The following B4GALNT4 variants were observed in gnomAD, a reference collection of about 807,000 sequenced individuals.
B4GALNT4 encodes the protein N-acetyl-beta-glucosaminyl-glycoprotein 4-beta-N-acetylgalactosaminyltransferase 1.
B4GALNT4 carries 77 observed loss-of-function variants against 110.0 expected under a neutral mutation model. That is an observed-to-expected ratio of 0.70 (90% confidence interval 0.58 to 0.85). B4GALNT4 has a LOEUF of 0.85. Ranked by LOEUF, B4GALNT4 falls within the 40% of genes least tolerant of loss-of-function variation. B4GALNT4 has a pLI of 0.00. For synonymous variants in B4GALNT4, 785 were observed against 655.5 expected (o/e 1.20, Z -3.02); for missense variants, 1,575 against 1,506.0 (o/e 1.05, Z -0.76).
chr11:379,713 G>A lies in B4GALNT4; in HGVS notation c.2488+12G>A. 2.0e-6 allele frequency: 3 copies of A among 1,500,342 alleles called. No individual in the cohort carries two copies. Among genetic ancestry groups the A allele is most frequent in the Non-Finnish European group, 2.7e-6 (3 of 1,127,582 alleles). The allele number at this position is 1,500,342 out of a possible 1,614,324, so 92.9% of individuals were successfully genotyped here. A position where few individuals can be genotyped will look rare whatever the true frequency, so the allele number is the denominator to read the frequency against. The stretch of plus-strand genomic sequence containing the variant: ...CTTCATCGTGCCAGGTTCGCAGGGC[G>A]GGCTCGGGGTGTCCGGGAGACCTCG... On this transcript the variant is annotated intron_variant, in intron 15 of 19. Transcript: ENST00000329962.
intron 14 of B4GALNT4, 73 bp from the exon 15 acceptor site, chr11:379,345 C>A: frequency 7.2e-7 from 1 of 1,395,100 alleles, no homozygotes; most frequent in Non-Finnish European, 9.3e-7. Context: ...GTTTCTGTGG[C>A]CAGGGCGGAC....
In B4GALNT4 at chr11:374,451, C is replaced by G. The variant is rs529327332; in HGVS notation, c.783+623C>G. Among the ~76,000 whole-genome samples, 3 of 149,846 alleles carry G rather than the reference C, an allele frequency of 2.0e-5. No individual in the cohort carries two copies. The South Asian group carries it at 6.4e-4, about 32-fold the overall frequency. On this transcript the variant is annotated intron_variant, in intron 8 of 19. Transcript: ENST00000329962. ...GTGCCTGTGTCTGGTGTGTGGAGGG[C>G]ACGTTTCACCCCAGCTCAGCTGGGC...
intron 8 of B4GALNT4, among the ~76,000 whole-genome samples, chr11:374,184 C>CG (rs1846677705): frequency 1.3e-5 from 2 of 152,044 alleles, no homozygotes; most frequent in African/African-American, 2.4e-5. Flanking sequence ...CCAGATCAGG[C>CG]GGGGCCTGAG....
In B4GALNT4 at chr11:373,441, C is replaced by A. The variant is rs570860626; in HGVS notation, c.637-8C>A. 5.7e-6 allele frequency: 9 copies of A among 1,568,590 alleles called. No individual in the cohort carries two copies. Among genetic ancestry groups the A allele is most frequent in the South Asian group, 1.1e-5 (1 of 90,192 alleles). On this transcript the variant is annotated splice_region_variant and splice_polypyrimidine_tract_variant and intron_variant, in intron 6 of 19. Coordinates refer to ENST00000329962, the MANE Select transcript of B4GALNT4 (RefSeq NM_178537.5). ...CCCCACCACCACCCCTGCTCTATCACCCCCCAGACTGGCTCCGAGTGGACA... is the reference window on the plus strand; with the variant it reads ...CCCCACCACCACCCCTGCTCTATCAACCCCCAGACTGGCTCCGAGTGGACA...
Position 372,655 on chromosome 11 carries a change from C to A in B4GALNT4, c.256-7C>A. ...ACCCTGACCCTGTTGCCTTTTCTCT[C>A]CTGCAGCCCGAAGGTCGGGACCTAG... On this transcript the variant is annotated splice_polypyrimidine_tract_variant and splice_region_variant and intron_variant, in intron 2 of 19. Transcript: ENST00000329962. 1 of 1,610,810 alleles carries A rather than the reference C, an allele frequency of 6.2e-7. No homozygotes were observed. Among genetic ancestry groups the A allele is most frequent in the South Asian group, 1.1e-5 (1 of 90,314 alleles).
Position 376,820 on chromosome 11 carries a change from G to C in B4GALNT4, c.1697G>C (p.Arg566Pro). The change falls in exon 14 of 20, where the codon CGG (arginine) becomes CCG (proline). Residue 566 changes from arginine to proline, a missense_variant. Transcript: ENST00000329962. ...AGGCCTCTGCCCAGAGTGCAGCTGCGGGCGCCCCCACGCCCACCCCGGCCC... is the reference window on the plus strand; with the variant it reads ...AGGCCTCTGCCCAGAGTGCAGCTGCCGGCGCCCCCACGCCCACCCCGGCCC... ...HPRPLPRVQL[R>P]APPRPPRPHG... 1 of 1,354,288 alleles carries C rather than the reference G, an allele frequency of 7.4e-7. No homozygotes were observed. The highest frequency in any genetic ancestry group is 9.5e-7 in the Non-Finnish European group (1 of 1,051,672). The allele number at this position is 1,354,288 out of a possible 1,614,324, so 83.9% of individuals were successfully genotyped here.
chr11:376,181 G>T lies in B4GALNT4; in HGVS notation c.1196+7G>T. 1.9e-6 allele frequency: 3 copies of T among 1,606,882 alleles called. No homozygotes were observed. Among genetic ancestry groups the T allele is most frequent in the Non-Finnish European group, 2.6e-6 (3 of 1,176,270 alleles). ...CTCCGCTGTATCTGGAGAGGTGGGC[G>T]CGCGGCCGGGCTAATGCGGGGCGGG... On this transcript the variant is annotated splice_region_variant and intron_variant, in intron 12 of 19. Coordinates refer to ENST00000329962, the MANE Select transcript of B4GALNT4 (RefSeq NM_178537.5).
chr11:376,058 C>A lies in B4GALNT4; in HGVS notation c.1096-16C>A. 2 of 1,454,474 alleles carry A rather than the reference C, an allele frequency of 1.4e-6. No individual in the cohort carries two copies. Among genetic ancestry groups the A allele is most frequent in the Non-Finnish European group, 1.9e-6 (2 of 1,036,838 alleles). The allele number at this position is 1,454,474 out of a possible 1,614,324, so 90.1% of individuals were successfully genotyped here. ...GGAGGTCCGCGCCCTGAGCCCTGCGCCCCCCCACCCCCCAGGTGTACCTGT... is the reference window on the plus strand; with the variant it reads ...GGAGGTCCGCGCCCTGAGCCCTGCGACCCCCCACCCCCCAGGTGTACCTGT... On this transcript the variant is annotated splice_polypyrimidine_tract_variant and intron_variant, in intron 11 of 19. Coordinates refer to ENST00000329962, the MANE Select transcript of B4GALNT4 (RefSeq NM_178537.5).
rs1358786943 is a variant in B4GALNT4 at position 373,497 on chromosome 11, C to T, written c.685C>T (p.Gln229Ter). 6.2e-7 allele frequency: 1 copy of T among 1,610,524 alleles called. No individual in the cohort carries two copies. ...APGEFTKFSS[Q>*]VSKPRRLMAS... ...TGGAGAATTCACCAAGTTCAGCTCC[C>T]AGGTGTCCAAGCCCAGGCGGTGAGT... Residue 229 changes from glutamine to a stop codon, truncating the protein, a stop_gained, in exon 7 of 20, where the codon CAG becomes TAG. Coordinates refer to ENST00000329962, the MANE Select transcript of B4GALNT4 (RefSeq NM_178537.5). LOFTEE classifies it high-confidence loss of function.
At position 376,615 on chromosome 11, in the gene B4GALNT4, G is replaced by C. The variant is rs1264097742; in HGVS notation, c.1492G>C (p.Ala498Pro). 4.3e-6 allele frequency: 6 copies of C among 1,394,798 alleles called. No homozygotes were observed. The highest frequency in any genetic ancestry group is 5.6e-6 in the Non-Finnish European group (6 of 1,076,030). 86.4% of individuals were successfully genotyped at this position (1,394,798 alleles called of 1,614,324 possible). A position where few individuals can be genotyped will look rare whatever the true frequency, so the allele number is the denominator to read the frequency against. The part of the protein sequence containing the change: ...PRHSRALSWA[A>P]RAARPLPLFL... ...GCACTCCCGGGCCCTGAGCTGGGCC[G>C]CCAGGGCCGCCCGCCCTTTGCCGCT... is the stretch of plus-strand genomic sequence containing the variant. Residue 498 changes from alanine (A) to proline (P), a missense_variant, in exon 14 of 20, where the codon GCC (alanine) becomes CCC (proline). Physicochemically the swap from Ala to Pro is conservative, Grantham distance 27. Coordinates refer to ENST00000329962, the MANE Select transcript of B4GALNT4 (RefSeq NM_178537.5).
intron 7 of B4GALNT4, 77 bp downstream of exon 7, chr11:373,593 G>C: frequency 6.5e-7 from 1 of 1,531,722 alleles, no homozygotes. Context: ...CTTATCCTGT[G>C]CACACTTGCG....
intron 1 of B4GALNT4, among the ~76,000 whole-genome samples, chr11:371,869 T>TG (rs1846623719): frequency 6.6e-6 from 1 of 152,220 alleles, no homozygotes; most frequent in Non-Finnish European, 1.5e-5. Flanking sequence ...AAGAGCCTGC[T>TG]GGAAGGCTCA....
At chr11:372,312 G>C (rs999518396) in intron 2 of B4GALNT4, 100 bp downstream of exon 2, 1 of 1,108,816 alleles carries the variant, frequency 9.0e-7, no homozygotes, top group African/African-American at 1.6e-5. Flanking sequence ...GGAGGACGCA[G>C]CAGGGGGCAT....
rs769472074 is a variant in B4GALNT4, at chr11:373,100, C to T, written c.519C>T (p.Ile173=). ...ATGGACTCCGTATTTTTGGTTTCATCCACCCGGCGAGGGACGGTACGGGGG... is the reference window on the plus strand; with the variant it reads ...ATGGACTCCGTATTTTTGGTTTCATTCACCCGGCGAGGGACGGTACGGGGG... ...KNYGLRIFGF[I]HPARDGDVQF... Residue 173 remains isoleucine (I), a synonymous_variant, in exon 5 of 20, where the codon ATC becomes ATT. Coordinates refer to ENST00000329962, the MANE Select transcript of B4GALNT4 (RefSeq NM_178537.5). The T allele has an allele frequency of 3.7e-6, 6 of 1,612,456 alleles. No individual in the cohort carries two copies. The highest frequency in any genetic ancestry group is 3.3e-5 in the Admixed American group (2 of 59,996).
At chr11:372,008 G>C in intron 1 of B4GALNT4, 101 bp from the exon 2 acceptor site, 1 of 896,794 alleles carries the variant, frequency 1.1e-6, no homozygotes, top group Admixed American at 2.3e-5. Context: ...TGCCTGCCCT[G>C]CTCTGGCCAT....
chr11:370,471 G>T (rs1160516590), intron 1 of B4GALNT4, among the ~76,000 whole-genome samples: 1 of 152,072 alleles, frequency 6.6e-6, no homozygotes, highest in Non-Finnish European at 1.5e-5. Context: ...GGTGAACTGT[G>T]CCAGTGTTGT....
At chr11:378,928 G>T (rs372138400) in intron 14 of B4GALNT4, among the ~76,000 whole-genome samples, 2 of 152,134 alleles carry the variant, frequency 1.3e-5, no homozygotes, top group Admixed American at 6.5e-5. Context: ...CCAGGCAGGG[G>T]ACTCCTCAGG....
Position 373,067 on chromosome 11 carries a change from G to C in B4GALNT4, c.486G>C (p.Trp162Cys). ...AGAAGTTGGCCGTGTCCCCCAAGTG[G>C]AAGAACTATGGACTCCGTATTTTTG... Reference protein sequence around the residue: ...TVKKLAVSPKWKNYGLRIFGF... With the variant: ...TVKKLAVSPKCKNYGLRIFGF... The change falls in exon 5 of 20, where the codon TGG becomes TGC. Residue 162 changes from tryptophan to cysteine, a missense_variant. Trp to Cys is a radical substitution (Grantham distance 215, BLOSUM62 -2). Coordinates refer to ENST00000329962, the MANE Select transcript of B4GALNT4 (RefSeq NM_178537.5). The C allele has an allele frequency of 1.2e-6, 2 of 1,612,500 alleles. No individual in the cohort carries two copies. The highest frequency in any genetic ancestry group is 1.7e-6 in the Non-Finnish European group (2 of 1,179,874).
At position 370,481 on chromosome 11, in the gene B4GALNT4, T is replaced by TG. The variant is rs200257450; in HGVS notation, c.151+532dup. Among the ~76,000 whole-genome samples, 1,306 of 152,104 alleles carry TG rather than the reference T, an allele frequency of 8.6e-3. 23 individuals are homozygous for TG. The highest frequency in any genetic ancestry group is 0.03 in the African/African-American group (1,240 of 41,480). ...CCTTCGGTGAACTGTGCCAGTGTTG[T>TG]GGGGGTCCATGCGTAGGGATGGGGC... is the stretch of plus-strand genomic sequence containing the variant. On this transcript the variant is annotated intron_variant, in intron 1 of 19. Coordinates refer to ENST00000329962, the MANE Select transcript of B4GALNT4 (RefSeq NM_178537.5).
Sources: allele counts gnomAD v4.1 joint callset (sites outside exome capture counted in the v4.1 genomes callset), GRCh38; gene constraint gnomAD v4.1.1; transcripts MANE v1.5; gene names NCBI Gene and HGNC (gene_info 2026-07-23, HGNC 2026-07-21).